Variants in MRPL46 observed in about 807,000 individuals in gnomAD.
MRPL46 encodes the protein mitochondrial ribosomal protein L46.
A neutral mutation model predicts 31.0 loss-of-function variants in MRPL46; 26 were observed. That is an observed-to-expected ratio of 0.84 (90% CI 0.61 to 1.16). MRPL46 has a LOEUF of 1.16. MRPL46 is among the 50% of genes most tolerant of loss of function. The pLI is 0.00. For synonymous variants in MRPL46, 159 were observed against 141.3 expected (o/e 1.13, Z -0.89); for missense variants, 395 against 340.0 (o/e 1.16, Z -1.27).
At chr15:88,465,813 C>A in intron 1 of MRPL46, 40 bp from the exon 2 acceptor site, 39 of 1,462,496 alleles carry the variant, frequency 2.7e-5, no homozygotes, top group Admixed American at 9.9e-5. Flanking sequence ...CTTAATCTGG[C>A]AAAATTAAAA....
Position 88,467,178 on chromosome 15 carries a change from T to C in MRPL46, c.200A>G (p.Gln67Arg), listed in dbSNP as rs767907802. The C allele has an allele frequency of 1.9e-6, 3 of 1,613,996 alleles. No individual in the cohort carries two copies. Among genetic ancestry groups the C allele is most frequent in the Non-Finnish European group, 2.5e-6 (3 of 1,179,982 alleles). The change falls in exon 1 of 4, where the codon CAG becomes CGG. Residue 67 changes from glutamine (Q) to arginine (R), a missense_variant. Gln to Arg is a conservative substitution (Grantham distance 43, BLOSUM62 1). Transcript: ENST00000312475. ...PVVSKPLTPL[Q>R]EEMASLLQQI... ...CTGCAGTAGAGACGCCATCTCTTCC[T>C]GCAATGGGGTCAACGGCTTGGAGAC...
At position 88,467,298 on chromosome 15, in the gene MRPL46, A is replaced by T. The variant is rs759888193; in HGVS notation, c.80T>A (p.Leu27Gln). The T allele has an allele frequency of 1.9e-6, 3 of 1,612,638 alleles. No homozygotes were observed. The highest frequency in any genetic ancestry group is 2.5e-6 in the Non-Finnish European group (3 of 1,179,488). The change falls in exon 1 of 4, where the codon CTA becomes CAA. Residue 27 changes from leucine to glutamine, a missense_variant. Physicochemically the swap from Leu to Gln is moderately radical, Grantham distance 113. Transcript: ENST00000312475. ...RRFERLWAGSLSSRSLALAAA... is the reference protein window; with the variant it reads ...RRFERLWAGSQSSRSLALAAA... ...TGCAAGAGCCAGGCTGCGAGAGCTT[A>T]GACTGCCGGCCCAGAGCCTCTCGAA...
In MRPL46 at chr15:88,459,522, A is replaced by G; in HGVS notation, c.*91T>C. 6.4e-7 allele frequency: 1 copy of G among 1,550,714 alleles called. No individual in the cohort carries two copies. The highest frequency in any genetic ancestry group is 8.8e-7 in the Non-Finnish European group (1 of 1,139,316). On this transcript the variant is annotated 3_prime_UTR_variant, in exon 4 of 4. Transcript: ENST00000312475. ...TTCTCAGAATTTAGTTTGCTGCTTG[A>G]TATTACCTGCAAATGTGAGGCAATC...
intron 1 of MRPL46, 45 bp downstream of exon 1, chr15:88,467,105 T>G (rs898999643): frequency 1.3e-6 from 2 of 1,592,692 alleles, no homozygotes; most frequent in African/African-American, 2.7e-5. Flanking sequence ...TCGCTCAAAG[T>G]CACGCAGAAT....
chr15:88,466,639 C>T (rs1333885147), intron 1 of MRPL46, among the ~76,000 whole-genome samples: 6 of 152,208 alleles, frequency 3.9e-5, no homozygotes, highest in Admixed American at 2.0e-4. Flanking sequence ...AAAAACATCT[C>T]GGATTCTGAG....
At chr15:88,466,157 GTT>G in intron 1 of MRPL46, among the ~76,000 whole-genome samples, 1 of 152,292 alleles carries the variant, frequency 6.6e-6, no homozygotes, top group South Asian at 2.1e-4. Context: ...TTCCTAGAAT[GTT>G]TTTCCTCACA....
chr15:88,460,936 T>G (rs2055472236), intron 3 of MRPL46: 1 of 152,190 alleles, frequency 6.6e-6, no homozygotes, highest in African/African-American at 2.4e-5. Context: ...AGACGGGGTT[T>G]TGCCATGTTG....
intron 3 of MRPL46, 108 bp downstream of exon 3, chr15:88,464,595 T>G: frequency 3.6e-6 from 4 of 1,117,342 alleles, no homozygotes; most frequent in African/African-American, 1.7e-5. Context: ...AAAATTTCCA[T>G]TAACCTTCCC....
intron 3 of MRPL46, 76 bp downstream of exon 3, chr15:88,464,624 ATTC>A: frequency 1.4e-6 from 2 of 1,424,580 alleles, no homozygotes; most frequent in African/African-American, 1.5e-5. Flanking sequence ...CCTTAATCCA[ATTC>A]CCCAGTCAGC....
At position 88,467,016 on chromosome 15, in the gene MRPL46, T is replaced by C. The variant is rs1474952108; in HGVS notation, c.228+134A>G. 6 of 994,764 alleles carry C rather than the reference T, an allele frequency of 6.0e-6. No homozygotes were observed. The African/African-American group carries it at 8.2e-5, about 14-fold the overall frequency. The allele number at this position is 994,764 out of a possible 1,614,324, so 61.6% of individuals were successfully genotyped here. On this transcript the variant is annotated intron_variant, in intron 1 of 3. Transcript: ENST00000312475. ...GAAACCACTTTTTGTTGAACATCTA[T>C]GTACCAAACCAAGTCAGTAAGGTAG...
At chr15:88,466,937 G>A (rs966039739) in intron 1 of MRPL46, among the ~76,000 whole-genome samples, 1 of 152,208 alleles carries the variant, frequency 6.6e-6, no homozygotes, top group Non-Finnish European at 1.5e-5. Flanking sequence ...TGAACAAGAA[G>A]TAGAGTATCT....
chr15:88,462,530 C>G (rs1313506385), intron 3 of MRPL46: 1 of 152,160 alleles, frequency 6.6e-6, no homozygotes, highest in Non-Finnish European at 1.5e-5. Flanking sequence ...ACTAGACGAG[C>G]AAAATTTTAA....
chr15:88,464,032 T>A (rs946562778), intron 3 of MRPL46: 2 of 152,252 alleles, frequency 1.3e-5, no homozygotes, highest in Non-Finnish European at 2.9e-5. Context: ...TCTCAACCAC[T>A]GTAATTTGCT....
At chr15:88,462,456 C>T (rs1166909165) in intron 3 of MRPL46, 2 of 152,188 alleles carry the variant, frequency 1.3e-5, no homozygotes, top group Non-Finnish European at 1.5e-5. Flanking sequence ...CCAATAAACA[C>T]ATGAAGATAC....
chr15:88,467,077 T>G (rs891259334), intron 1 of MRPL46, 73 bp downstream of exon 1: 3 of 1,529,402 alleles, frequency 2.0e-6, no homozygotes, highest in Admixed American at 3.4e-5. Flanking sequence ...ATACTTAAGT[T>G]CAGAGAGGTG....
At chr15:88,467,075 G>T in intron 1 of MRPL46, 75 bp downstream of exon 1, 3 of 1,517,522 alleles carry the variant, frequency 2.0e-6, no homozygotes, top group South Asian at 1.2e-5. Flanking sequence ...GTATACTTAA[G>T]TTCAGAGAGG....
At chr15:88,465,328 C>CGAAAA (rs2055513870) in intron 2 of MRPL46, 1 of 433,522 alleles carries the variant, frequency 2.3e-6, no homozygotes, top group Non-Finnish European at 4.0e-6. Context: ...GCCCCACTCT[C>CGAAAA]AGTCTCAAAC....
In MRPL46 at chr15:88,465,773, TCTG is replaced by T; in HGVS notation, c.229-3_229-1del. The T allele has an allele frequency of 6.4e-7, 1 of 1,563,382 alleles. No individual in the cohort carries two copies. The highest frequency in any genetic ancestry group is 8.6e-7 in the Non-Finnish European group (1 of 1,161,646). On this transcript the variant is annotated splice_acceptor_variant and splice_polypyrimidine_tract_variant and intron_variant, in intron 1 of 3. Transcript: ENST00000312475. LOFTEE classifies it high-confidence loss of function. ...GAATACAGGCTTCTCTCTATCTCAA[TCTG>T]GGAAAATTCAAAGGGCAAAAAACTA...
Position 88,464,750 on chromosome 15 carries a change from C to G in MRPL46, c.542G>C (p.Gly181Ala). The G allele has an allele frequency of 6.2e-7, 1 of 1,614,084 alleles. No homozygotes were observed. The highest frequency in any genetic ancestry group is 8.5e-7 in the Non-Finnish European group (1 of 1,180,004). ...TTCAGCTGTTCCTCGAAGGGTCTCC[C>G]CAGGCTGCCACTCTGCCTGGGGCAG... ...WILPQAEWQP[G>A]ETLRGTAERT... The change falls in exon 3 of 4, where the codon GGG becomes GCG. Residue 181 changes from glycine (G) to alanine (A), a missense_variant. Coordinates refer to ENST00000312475, the MANE Select transcript of MRPL46 (RefSeq NM_022163.4).
Sources: allele counts gnomAD v4.1 joint callset (sites outside exome capture counted in the v4.1 genomes callset), GRCh38; gene constraint gnomAD v4.1.1; transcripts MANE v1.5; gene names NCBI Gene and HGNC (gene_info 2026-07-23, HGNC 2026-07-21).